Variants in FAM124A observed in about 807,000 individuals in gnomAD.
FAM124A encodes the protein family with sequence similarity 124 member A, also known as protein FAM124A.
Under a neutral mutation model 24.5 loss-of-function variants are expected in FAM124A, and 23 were observed. That is an observed-to-expected ratio of 0.94 (90% CI 0.68 to 1.33). The LOEUF (loss-of-function observed/expected upper bound fraction) is 1.33. FAM124A is among the 40% of genes most tolerant of loss of function. FAM124A has a pLI of 0.00. For missense variants in FAM124A, 623 were observed against 722.8 expected, an observed-to-expected ratio of 0.86 and a Z score of 1.58; for synonymous variants, 287 against 314.7, an observed-to-expected ratio of 0.91 and a Z score of 0.93.
intron 2 of FAM124A, among the ~76,000 whole-genome samples, chr13:51,242,836 G>T (rs1422608979): frequency 1.3e-5 from 2 of 152,024 alleles, no homozygotes; most frequent in Non-Finnish European, 2.9e-5. Flanking sequence ...CGCTGACATT[G>T]TTCCTCCAGC....
rs1364819164 is a variant in FAM124A, at chr13:51,282,128, A to G, written c.*872A>G. 6.6e-6 allele frequency: 1 copy of G among 152,206 alleles called. No individual in the cohort carries two copies. The highest frequency in any genetic ancestry group is 2.1e-4 in the South Asian group (1 of 4,832). The allele number at this position is 152,206 out of a possible 1,614,324, so 9.4% of individuals were successfully genotyped here. A position where few individuals can be genotyped will look rare whatever the true frequency, so the allele number is the denominator to read the frequency against. On this transcript the variant is annotated 3_prime_UTR_variant, in exon 4 of 4. Transcript: ENST00000322475. Reference sequence around the variant, plus strand: ...GGGTAGGTAGTCTTAAGATCCTTCAACTTTCAAAAACCACAGTCTAAGGAC... The same window carrying G: ...GGGTAGGTAGTCTTAAGATCCTTCAGCTTTCAAAAACCACAGTCTAAGGAC...
intron 2 of FAM124A, among the ~76,000 whole-genome samples, chr13:51,246,404 T>TGGGGGGG (rs55696364): frequency 2.7e-3 from 153 of 57,294 alleles, no homozygotes; most frequent in Non-Finnish European, 4.5e-3. Context: ...TCTCGTGGGG[T>TGGGGGGG]GGGGGGGGGT....
At chr13:51,262,509 T>G (rs960912570) in intron 3 of FAM124A, among the ~76,000 whole-genome samples, 2 of 152,192 alleles carry the variant, frequency 1.3e-5, no homozygotes, top group Admixed American at 6.5e-5. Context: ...TTCTTTAAAT[T>G]TTTTCTTCTT....
chr13:51,226,700 AGCT>A (rs1165981497), intron 1 of FAM124A, among the ~76,000 whole-genome samples: 2 of 152,188 alleles, frequency 1.3e-5, no homozygotes, highest in Non-Finnish European at 2.9e-5. Flanking sequence ...GTATTGCTTA[AGCT>A]GATTATCCTT....
intron 2 of FAM124A, among the ~76,000 whole-genome samples, chr13:51,243,813 G>T (rs1269814132): frequency 1.3e-5 from 2 of 152,150 alleles, no homozygotes; most frequent in African/African-American, 4.8e-5. Flanking sequence ...TGGGATTACA[G>T]GCTTCAGCCA....
chr13:51,256,515 T>C (rs1396678707), intron 3 of FAM124A, among the ~76,000 whole-genome samples: 1 of 152,108 alleles, frequency 6.6e-6, no homozygotes, highest in African/African-American at 2.4e-5. Flanking sequence ...TCAGATCTCA[T>C]CCACACCAGC....
intron 2 of FAM124A, among the ~76,000 whole-genome samples, chr13:51,249,310 T>C (rs536671706): frequency 4.1e-4 from 62 of 152,226 alleles, no homozygotes; most frequent in African/African-American, 1.4e-3. Context: ...ATTTAACTCA[T>C]ACAAATTTGA....
intron 2 of FAM124A, among the ~76,000 whole-genome samples, chr13:51,246,763 A>G (rs1307162287): frequency 1.3e-5 from 2 of 152,218 alleles, no homozygotes; most frequent in African/African-American, 4.8e-5. Context: ...TCACTCATCC[A>G]TGCAGACTTC....
At chr13:51,274,984 G>C (rs1397397989) in intron 3 of FAM124A, among the ~76,000 whole-genome samples, 1 of 152,172 alleles carries the variant, frequency 6.6e-6, no homozygotes, top group Non-Finnish European at 1.5e-5. Context: ...GCTTAATCAA[G>C]AGTGGCTTAT....
At chr13:51,248,147 C>T (rs1026196890) in intron 2 of FAM124A, among the ~76,000 whole-genome samples, 9 of 152,196 alleles carry the variant, frequency 5.9e-5, no homozygotes, top group African/African-American at 1.7e-4. Flanking sequence ...GGACATCTCT[C>T]CTGGAAGTCA....
intron 3 of FAM124A, among the ~76,000 whole-genome samples, chr13:51,268,394 T>C (rs914401498): frequency 6.6e-6 from 1 of 152,208 alleles, no homozygotes; most frequent in African/African-American, 2.4e-5. Context: ...CTTAATGTCA[T>C]ATTTAAAAAA....
intron 2 of FAM124A, among the ~76,000 whole-genome samples, chr13:51,233,190 A>G (rs903371831): frequency 2.6e-5 from 4 of 151,766 alleles, no homozygotes; most frequent in Non-Finnish European, 5.9e-5. Context: ...GAGGCAGTGC[A>G]GGTCTGGTGT....
At chr13:51,253,944 T>TG (rs1555274300) in intron 3 of FAM124A, among the ~76,000 whole-genome samples, 5 of 151,840 alleles carry the variant, frequency 3.3e-5, no homozygotes, top group Non-Finnish European at 5.9e-5. Flanking sequence ...ATGCATTACC[T>TG]CTCCCCCCAA....
intron 1 of FAM124A, among the ~76,000 whole-genome samples, chr13:51,224,119 C>G (rs932032982): frequency 1.3e-5 from 2 of 152,242 alleles, no homozygotes; most frequent in South Asian, 2.1e-4. Flanking sequence ...GACACCAGAG[C>G]TTCTGTTCTC....
In FAM124A at chr13:51,253,804, G is replaced by A. The variant is rs1450562683; in HGVS notation, c.834+1603G>A. On this transcript the variant is annotated intron_variant, in intron 3 of 3. Coordinates refer to ENST00000322475, the MANE Select transcript of FAM124A (RefSeq NM_001242312.2). ...AAATGGCTATAAACTCTATACAGGT[G>A]CAGGCTTTTGAAGTTAGAACAACAG... Among the ~76,000 whole-genome samples the A allele has an allele frequency of 4.6e-5, 7 of 152,322 alleles. No homozygotes were observed. In the East Asian group the frequency reaches 1.3e-3, roughly 29 times the overall value.
At chr13:51,230,327 C>T (rs1347879814) in intron 1 of FAM124A, among the ~76,000 whole-genome samples, 1 of 151,954 alleles carries the variant, frequency 6.6e-6, no homozygotes, top group African/African-American at 2.4e-5. Context: ...AAAAGTTTTG[C>T]ATGTACTTTT....
At chr13:51,242,151 C>T (rs1954503371) in intron 2 of FAM124A, among the ~76,000 whole-genome samples, 2 of 152,074 alleles carry the variant, frequency 1.3e-5, no homozygotes, top group Non-Finnish European at 2.9e-5. Context: ...AATTCTGTTC[C>T]TCTTGTTTCC....
chr13:51,269,001 A>T (rs1954815122), intron 3 of FAM124A, among the ~76,000 whole-genome samples: 1 of 152,260 alleles, frequency 6.6e-6, no homozygotes, highest in South Asian at 2.1e-4. Context: ...CAATGAAGCC[A>T]TGATGGAAGT....
intron 2 of FAM124A, among the ~76,000 whole-genome samples, chr13:51,233,791 G>GA (rs895316750): frequency 4.6e-5 from 7 of 151,066 alleles, no homozygotes; most frequent in African/African-American, 1.2e-4. Context: ...GCTACAATAA[G>GA]AAAAAAAAAT....
Sources: gnomAD v4.1 joint callset for allele counts (sites outside exome capture counted in the v4.1 genomes callset) on GRCh38, gnomAD v4.1.1 for gene constraint, MANE v1.5 for transcripts, NCBI Gene and HGNC (gene_info 2026-07-23, HGNC 2026-07-21) for gene names.